The following CHD1 variants were observed in gnomAD, a reference collection of about 807,000 sequenced individuals.
CHD1 encodes the protein chromodomain helicase DNA binding protein 1.
A neutral mutation model predicts 224.2 loss-of-function variants in CHD1; 36 were observed. The ratio of observed to expected loss-of-function variants is 0.16; its 90% CI spans 0.12 to 0.21. CHD1 has a LOEUF of 0.21. Among genes scored for constraint, CHD1 ranks in the 10% least tolerant of loss-of-function variants. The probability of loss-of-function intolerance (pLI) is 1.00; values close to 1 mark genes in which losing one functional copy is unlikely to be tolerated. For synonymous variants in CHD1, 668 were observed against 658.3 expected, an observed-to-expected ratio of 1.01 and a Z score of -0.23; for missense variants, 1,378 against 1,994.8, an observed-to-expected ratio of 0.69 and a Z score of 5.89.
At chr5:98,877,356 A>G (rs918194709) in intron 23 of CHD1, among the ~76,000 whole-genome samples, 1 of 152,222 alleles carries the variant, frequency 6.6e-6, no homozygotes, top group Non-Finnish European at 1.5e-5. Context: ...ATGATAATGA[A>G]TTTTTAAAAA....
intron 33 of CHD1, among the ~76,000 whole-genome samples, chr5:98,859,219 T>C (rs1452173576): frequency 6.6e-6 from 1 of 152,128 alleles, no homozygotes; most frequent in Non-Finnish European, 1.5e-5. Context: ...AAGATATTTT[T>C]TCATTTTGAA....
intron 23 of CHD1, among the ~76,000 whole-genome samples, chr5:98,877,994 G>T (rs1262033560): frequency 6.6e-6 from 1 of 152,140 alleles, no homozygotes; most frequent in Non-Finnish European, 1.5e-5. Flanking sequence ...TACAAAAAGA[G>T]AAAAAGAGGA....
intron 20 of CHD1, 39 bp from the exon 21 acceptor site, chr5:98,881,414 TA>T (rs1172317459): frequency 1.6e-5 from 16 of 980,028 alleles, no homozygotes; most frequent in Non-Finnish European, 2.3e-5. Flanking sequence ...CATTAACAGT[TA>T]AAAATATAAC....
At chr5:98,859,858 T>C in intron 33 of CHD1, 114 bp downstream of exon 33, 2 of 561,046 alleles carry the variant, frequency 3.6e-6, no homozygotes, top group African/African-American at 2.0e-5. Flanking sequence ...TCAATGGTGA[T>C]TTTTTAAATT....
chr5:98,878,356 A>C (rs1749917692), intron 23 of CHD1, among the ~76,000 whole-genome samples: 1 of 152,268 alleles, frequency 6.6e-6, no homozygotes, highest in Non-Finnish European at 1.5e-5. Context: ...AAGAAAAGAA[A>C]AAACAAAAAG....
chr5:98,888,806 G>T (rs1750818976), intron 16 of CHD1, among the ~76,000 whole-genome samples: 2 of 152,146 alleles, frequency 1.3e-5, no homozygotes, highest in Admixed American at 6.5e-5. Context: ...TCATAATTAT[G>T]AACATACTGT....
chr5:98,892,654 G>A lies in CHD1; in HGVS notation c.2051C>T (p.Ala684Val). Residue 684 changes from alanine (A) to valine (V), a missense_variant, in exon 15 of 36, where the codon GCA (alanine) becomes GTA (valine). Coordinates refer to ENST00000614616, the MANE Select transcript of CHD1 (RefSeq NM_001270.4). ...EHGKGREYGY[A>V]SLHKELEPFL... ...TGGCTCAAGCTCCTTGTGAAGGCTT[G>A]CATAACCATATTCTCTCCCTTTGCC... is the stretch of plus-strand genomic sequence containing the variant. The A allele has an allele frequency of 6.2e-7, 1 of 1,613,476 alleles. No individual in the cohort carries two copies. The highest frequency in any genetic ancestry group is 1.1e-5 in the South Asian group (1 of 91,036).
Position 98,902,888 on chromosome 5 carries a change from A to G in CHD1, c.437+12T>C. On this transcript the variant is annotated intron_variant, in intron 5 of 35. Coordinates refer to ENST00000614616, the MANE Select transcript of CHD1 (RefSeq NM_001270.4). ...TCTAAAATGAAGTAGTCAGTTGAAC[A>G]AAATGACATACTCTTTATGCTTTTT... The G allele has an allele frequency of 3.9e-6, 6 of 1,548,784 alleles. No homozygotes were observed. Among genetic ancestry groups the G allele is most frequent in the Non-Finnish European group, 5.3e-6 (6 of 1,129,596 alleles).
At chr5:98,919,131 T>C (rs572379252) in intron 2 of CHD1, among the ~76,000 whole-genome samples, 99 of 152,332 alleles carry the variant, frequency 6.5e-4, no homozygotes, top group African/African-American at 2.2e-3. Context: ...TTAACATGAA[T>C]ACAATTCTCC....
intron 31 of CHD1, among the ~76,000 whole-genome samples, chr5:98,867,503 C>T (rs1748967632): frequency 6.6e-6 from 1 of 151,888 alleles, no homozygotes; most frequent in South Asian, 2.1e-4. Context: ...TATTGGTCTG[C>T]AAAAAACTGG....
intron 32 of CHD1, chr5:98,860,718 A>G (rs908036304): frequency 2.0e-5 from 3 of 152,984 alleles, no homozygotes; most frequent in Admixed American, 1.3e-4. Context: ...TACCTCCAAA[A>G]AGAAAAGGAA....
chr5:98,920,213 C>A (rs920058751), intron 2 of CHD1, among the ~76,000 whole-genome samples: 1 of 152,040 alleles, frequency 6.6e-6, no homozygotes, highest in African/African-American at 2.4e-5. Context: ...ACAGAAATTC[C>A]ATTTAATATA....
At chr5:98,872,587 A>G in intron 26 of CHD1, 32 bp from the exon 27 acceptor site, 1 of 1,588,044 alleles carries the variant, frequency 6.3e-7, no homozygotes, top group Non-Finnish European at 8.6e-7. Flanking sequence ...CAGTATTTTT[A>G]AAAGTATAAA....
chr5:98,924,432 G>A (rs1165520639), intron 2 of CHD1, among the ~76,000 whole-genome samples: 5 of 152,128 alleles, frequency 3.3e-5, no homozygotes, highest in Non-Finnish European at 5.9e-5. Context: ...ACTTTACGAT[G>A]CACTTTGTAA....
chr5:98,885,883 G>T, intron 17 of CHD1: 1 of 441,124 alleles, frequency 2.3e-6, no homozygotes, highest in Admixed American at 4.0e-5. Context: ...ATACTATTCT[G>T]CCTGAGTCCC....
intron 2 of CHD1, among the ~76,000 whole-genome samples, chr5:98,913,740 G>T (rs17732946): frequency 0.051 from 7,803 of 152,158 alleles, 269 homozygotes; most frequent in Non-Finnish European, 0.08. Context: ...TTGGTGCTAT[G>T]TGCCAGATAT....
chr5:98,918,337 G>A (rs546036069), intron 2 of CHD1, among the ~76,000 whole-genome samples: 16 of 151,632 alleles, frequency 1.1e-4, no homozygotes, highest in Admixed American at 8.5e-4. Context: ...TGGGATTACA[G>A]ATGTGAGCCA....
In CHD1 at chr5:98,882,019, G is replaced by C; in HGVS notation, c.2823C>G (p.Asp941Glu). ...VLDHLVIQRM[D>E]TTGKTVLHTG... ...TATGTAGTACTGTCTTCCCAGTTGT[G>C]TCCATTCTTTGAATTACAAGATGAT... is the stretch of plus-strand genomic sequence containing the variant. The change falls in exon 20 of 36, where the codon GAC becomes GAG. Residue 941 changes from aspartate to glutamate, a missense_variant. Asp to Glu is a conservative substitution (Grantham distance 45, BLOSUM62 2). This residue lies in a region of CHD1 where 286 missense variants were observed against 445.1 expected (regional missense o/e 0.64). Coordinates refer to ENST00000614616, the MANE Select transcript of CHD1 (RefSeq NM_001270.4). 1.2e-6 allele frequency: 2 copies of C among 1,613,744 alleles called. No homozygotes were observed. The highest frequency in any genetic ancestry group is 1.7e-6 in the Non-Finnish European group (2 of 1,179,842).
chr5:98,925,690 A>G lies in CHD1; in HGVS notation c.53+644T>C, dbSNP rs1031487538. Reference sequence around the variant, plus strand: ...GCAAGAACTCTTAACTCCTTCACAGATAATTAAAACTCCAATCTGAAAATA... The same window carrying G: ...GCAAGAACTCTTAACTCCTTCACAGGTAATTAAAACTCCAATCTGAAAATA... On this transcript the variant is annotated intron_variant, in intron 2 of 35. Transcript: ENST00000614616. Among the ~76,000 whole-genome samples the G allele has an allele frequency of 3.3e-5, 5 of 152,096 alleles. No homozygotes were observed. In the South Asian group the frequency reaches 1.0e-3, roughly 32 times the overall value.
Sources: allele counts gnomAD v4.1 joint callset (sites outside exome capture counted in the v4.1 genomes callset), GRCh38; gene constraint gnomAD v4.1.1; regional missense constraint gnomAD v4.1.1; transcripts MANE v1.5; gene names NCBI Gene and HGNC (gene_info 2026-07-23, HGNC 2026-07-21).